CD44: variants seen among roughly 807,000 people sequenced by gnomAD.
CD44 encodes the protein CD44 molecule (IN blood group).
Under a neutral mutation model 88.8 loss-of-function variants are expected in CD44, and 49 were observed. The observed-to-expected ratio is 0.55, with a 90% confidence interval of 0.44 to 0.70. CD44 has a LOEUF of 0.70. CD44 is among the 30% of genes least tolerant of loss of function. The pLI, the probability that CD44 is intolerant of heterozygous loss-of-function variation, is 0.00. For missense variants in CD44, 883 were observed against 913.8 expected, an observed-to-expected ratio of 0.97 and a Z score of 0.43; for synonymous variants, 325 against 312.3, an observed-to-expected ratio of 1.04 and a Z score of -0.43.
At chr11:35,198,528 G>T (rs777500992) in intron 7 of CD44, 34 of 374,388 alleles carry the variant, frequency 9.1e-5, no homozygotes, top group Non-Finnish European at 1.2e-4. Flanking sequence ...GGCTTTATCA[G>T]AGAATGACAT....
At chr11:35,186,475 T>TA (rs1348232296) in intron 3 of CD44, among the ~76,000 whole-genome samples, 1 of 152,202 alleles carries the variant, frequency 6.6e-6, no homozygotes, top group African/African-American at 2.4e-5. Context: ...TCACAAATTT[T>TA]AAAAATCCTC....
chr11:35,228,155 C>T (rs1280853893), intron 17 of CD44, among the ~76,000 whole-genome samples: 1 of 152,134 alleles, frequency 6.6e-6, no homozygotes, highest in African/African-American at 2.4e-5. Flanking sequence ...TTGCATTAGG[C>T]TGGGTGGGGT....
chr11:35,140,341 C>T lies in CD44; in HGVS notation c.67+971C>T, dbSNP rs184164547. On this transcript the variant is annotated intron_variant, in intron 1 of 17. Transcript: ENST00000428726. ...ATGTATGTACAGATAATTACATGGCCGATTTGCTTATCGCTGGCCAAAATT... is the reference window on the plus strand; with the variant it reads ...ATGTATGTACAGATAATTACATGGCTGATTTGCTTATCGCTGGCCAAAATT... 2.4e-4 allele frequency among the ~76,000 whole-genome samples: 36 copies of T among 152,266 alleles called. 1 individual carries two copies. The East Asian group carries it at 5.6e-3, about 24-fold the overall frequency.
intron 1 of CD44, among the ~76,000 whole-genome samples, chr11:35,173,460 G>A (rs1944126776): frequency 1.3e-5 from 2 of 152,198 alleles, no homozygotes; most frequent in African/African-American, 4.8e-5. Context: ...CATCAGCCGA[G>A]TGCTGCATGA....
intron 7 of CD44, among the ~76,000 whole-genome samples, chr11:35,200,346 A>G (rs1947193511): frequency 6.6e-6 from 1 of 152,152 alleles, no homozygotes; most frequent in Non-Finnish European, 1.5e-5. Flanking sequence ...GGGTGACAAT[A>G]TCAGGGTGCT....
intron 7 of CD44, chr11:35,200,630 A>G (rs1947222298): frequency 6.3e-6 from 1 of 158,330 alleles, no homozygotes; most frequent in South Asian, 1.9e-4. Context: ...AGTGATTATC[A>G]TGGTATAACT....
intron 4 of CD44, among the ~76,000 whole-genome samples, chr11:35,188,767 G>A (rs1003241396): frequency 2.0e-5 from 3 of 151,802 alleles, no homozygotes; most frequent in East Asian, 3.9e-4. Context: ...GTAAAACCCC[G>A]TGTCAACTAA....
Position 35,214,846 on chromosome 11 carries a change from T to G in CD44, c.1811-6T>G. The G allele has an allele frequency of 6.5e-7, 1 of 1,532,218 alleles. No homozygotes were observed. Among genetic ancestry groups the G allele is most frequent in the Non-Finnish European group, 8.8e-7 (1 of 1,136,498 alleles). The allele number at this position is 1,532,218 out of a possible 1,614,324, so 94.9% of individuals were successfully genotyped here. ...CAGTACTGACCTTCCTGATTGCTCATTACAGGAGACCAAGACACATTCCAC... is the reference window on the plus strand; with the variant it reads ...CAGTACTGACCTTCCTGATTGCTCAGTACAGGAGACCAAGACACATTCCAC... On this transcript the variant is annotated splice_polypyrimidine_tract_variant and splice_region_variant and intron_variant, in intron 14 of 17. Coordinates refer to ENST00000428726, the MANE Select transcript of CD44 (RefSeq NM_000610.4).
At position 35,229,280 on chromosome 11, in the gene CD44, A is replaced by G. The variant is rs775588163; in HGVS notation, c.2176A>G (p.Thr726Ala). 25 of 1,613,992 alleles carry G rather than the reference A, an allele frequency of 1.5e-5. 3 individuals carry two copies. The South Asian group carries it at 2.4e-4, about 16-fold the overall frequency. The change falls in exon 18 of 18, where the codon ACA becomes GCA. Residue 726 changes from threonine to alanine, a missense_variant. Around this residue, in one of 2 missense-constraint regions of CD44, gnomAD observed 631 missense variants for 590.9 expected, o/e 1.07. Coordinates refer to ENST00000428726, the MANE Select transcript of CD44 (RefSeq NM_000610.4). ...GTCAGAAACTCCAGACCAGTTTATGACAGCTGATGAGACAAGGAACCTGCA... is the reference window on the plus strand; with the variant it reads ...GTCAGAAACTCCAGACCAGTTTATGGCAGCTGATGAGACAAGGAACCTGCA... Reference protein sequence around the residue: ...ESSETPDQFMTADETRNLQNV... With the variant: ...ESSETPDQFMAADETRNLQNV...
At chr11:35,201,853 A>G in intron 9 of CD44, 66 bp downstream of exon 9, 2 of 1,540,830 alleles carry the variant, frequency 1.3e-6, no homozygotes, top group Admixed American at 3.7e-5. Context: ...AGCAATAGGG[A>G]AGATTTTGTT....
intron 1 of CD44, among the ~76,000 whole-genome samples, chr11:35,163,940 T>C (rs1942961521): frequency 6.6e-6 from 1 of 152,146 alleles, no homozygotes; most frequent in Non-Finnish European, 1.5e-5. Context: ...AGTTTTCTTA[T>C]ATGTATCAAG....
At chr11:35,181,935 A>AATATATAATATATATTATAT (rs1565081063) in intron 3 of CD44, among the ~76,000 whole-genome samples, 1 of 46,918 alleles carries the variant, frequency 2.1e-5, no homozygotes, top group African/African-American at 9.0e-5. Context: ...ATTATATATA[A>AATATATAATATATATTATAT]ATTATATATA....
chr11:35,206,669 T>A (rs4141969), intron 11 of CD44, among the ~76,000 whole-genome samples: 4,212 of 146,162 alleles, frequency 0.029, 170 homozygotes, highest in East Asian at 0.18. Flanking sequence ...TGGGGGTTGG[T>A]GGGGGGGGCA....
intron 11 of CD44, among the ~76,000 whole-genome samples, chr11:35,207,253 G>A (rs1340506050): frequency 6.6e-6 from 1 of 152,212 alleles, no homozygotes; most frequent in African/African-American, 2.4e-5. Flanking sequence ...AGTGTTGAAA[G>A]GCTGCAGTGC....
intron 1 of CD44, among the ~76,000 whole-genome samples, chr11:35,150,352 C>T (rs1036947086): frequency 9.2e-5 from 14 of 152,186 alleles, no homozygotes; most frequent in Non-Finnish European, 2.1e-4. Flanking sequence ...AGGCACTGAG[C>T]AAGGCAGGCC....
intron 1 of CD44, among the ~76,000 whole-genome samples, chr11:35,143,882 C>A (rs1054648693): frequency 2.6e-5 from 4 of 152,250 alleles, no homozygotes; most frequent in Non-Finnish European, 4.4e-5. Flanking sequence ...GGTTGCTTGT[C>A]TACAGGACAA....
At chr11:35,163,187 T>A (rs1942848399) in intron 1 of CD44, among the ~76,000 whole-genome samples, 1 of 152,186 alleles carries the variant, frequency 6.6e-6, no homozygotes, top group African/African-American at 2.4e-5. Flanking sequence ...TCAGTGGTGG[T>A]TGTAAGGTAA....
chr11:35,194,132 C>T (rs937481979), intron 5 of CD44, among the ~76,000 whole-genome samples: 1 of 152,226 alleles, frequency 6.6e-6, no homozygotes, highest in Non-Finnish European at 1.5e-5. Flanking sequence ...TAGAAAATCT[C>T]TTTCCTTCAC....
chr11:35,182,343 G>T (rs1201282541), intron 3 of CD44, among the ~76,000 whole-genome samples: 1 of 151,990 alleles, frequency 6.6e-6, no homozygotes, highest in Non-Finnish European at 1.5e-5. Context: ...AAAGTATCAG[G>T]GCTGGCTAGT....
Sources: gnomAD v4.1 joint callset for allele counts (sites outside exome capture counted in the v4.1 genomes callset) on GRCh38, gnomAD v4.1.1 for gene constraint, gnomAD v4.1.1 regional missense constraint, MANE v1.5 for transcripts, NCBI Gene and HGNC (gene_info 2026-07-23, HGNC 2026-07-21) for gene names.